The following CSMD2 variants were observed in gnomAD, a reference collection of about 807,000 sequenced individuals.
CSMD2 encodes CUB and Sushi multiple domains 2, also known as CUB and sushi domain-containing protein 2.
CSMD2 carries 130 observed loss-of-function variants against 398.5 expected under a neutral mutation model. The observed-to-expected ratio is 0.33, with a 90% CI of 0.28 to 0.38. The LOEUF is 0.38. Ranked by LOEUF, CSMD2 falls within the 10% of genes least tolerant of loss-of-function variation. CSMD2 has a pLI of 1.00. For synonymous variants in CSMD2, 1,828 were observed against 1,908.5 expected (o/e 0.96, Z 1.10); for missense variants, 3,829 against 4,764.9 (o/e 0.80, Z 5.78).
At chr1:33,861,417 A>G (rs1238804886) in intron 5 of CSMD2, 2 of 152,302 alleles carry the variant, frequency 1.3e-5, no homozygotes, top group East Asian at 1.9e-4. Context: ...CACCAAGCCT[A>G]TCATATTTAC....
chr1:33,661,786 T>A (rs1644143332), intron 26 of CSMD2, among the ~76,000 whole-genome samples: 2 of 152,212 alleles, frequency 1.3e-5, no homozygotes, highest in African/African-American at 4.8e-5. Flanking sequence ...AGAAGCAGGA[T>A]TTGCAACTCT....
chr1:33,893,877 T>A (rs1387323658), intron 5 of CSMD2, among the ~76,000 whole-genome samples: 1 of 152,194 alleles, frequency 6.6e-6, no homozygotes, highest in Admixed American at 6.5e-5. Context: ...CAGGCAGCCA[T>A]GCCTTTTTCC....
In CSMD2 at chr1:33,724,262, C is replaced by A. The variant is rs748249909; in HGVS notation, c.2936G>T (p.Gly979Val). ...GTTGTTGGGGTAGAAGTCAGGGAAC[C>A]CTGGCGACAAGATGGTCCCACTGGA... Reference protein sequence around the residue: ...QGSSGTILSPGFPDFYPNNLN... With the variant: ...QGSSGTILSPVFPDFYPNNLN... Residue 979 changes from glycine (G) to valine (V), a missense_variant, in exon 19 of 71, where the codon GGG becomes GTG. This residue lies in a region of CSMD2 where 2,001 missense variants were observed against 2,567.1 expected (regional missense o/e 0.78). Coordinates refer to ENST00000373381, the MANE Select transcript of CSMD2 (RefSeq NM_001281956.2). 6.2e-7 allele frequency: 1 copy of A among 1,613,976 alleles called. No individual in the cohort carries two copies. Among genetic ancestry groups the A allele is most frequent in the Admixed American group, 1.7e-5 (1 of 60,004 alleles).
chr1:33,889,968 T>C (rs1177892809), intron 5 of CSMD2, among the ~76,000 whole-genome samples: 1 of 151,974 alleles, frequency 6.6e-6, no homozygotes, highest in Non-Finnish European at 1.5e-5. Flanking sequence ...AAAAAGTGGG[T>C]ATATACTTAA....
At chr1:33,701,564 C>T (rs1414557429) in intron 22 of CSMD2, among the ~76,000 whole-genome samples, 2 of 152,224 alleles carry the variant, frequency 1.3e-5, no homozygotes, top group Admixed American at 1.3e-4. Flanking sequence ...ATGCCAGCTG[C>T]CAGCAAATTG....
chr1:33,909,365 C>T (rs1224281763), intron 5 of CSMD2, among the ~76,000 whole-genome samples: 1 of 152,212 alleles, frequency 6.6e-6, no homozygotes, highest in East Asian at 1.9e-4. Context: ...CTACCCTCCT[C>T]AGAGAGGTCA....
chr1:33,923,628 A>G (rs1644024398), intron 4 of CSMD2, among the ~76,000 whole-genome samples: 1 of 152,184 alleles, frequency 6.6e-6, no homozygotes, highest in Non-Finnish European at 1.5e-5. Context: ...TATCACTTTT[A>G]TGTGTTGGGA....
intron 12 of CSMD2, among the ~76,000 whole-genome samples, chr1:33,773,337 C>T (rs1389200765): frequency 6.6e-6 from 1 of 152,232 alleles, no homozygotes; most frequent in Non-Finnish European, 1.5e-5. Context: ...GTGGAAGAAC[C>T]TTCATGGAGA....
intron 7 of CSMD2, 60 bp downstream of exon 7, chr1:33,825,637 G>T: frequency 7.0e-7 from 1 of 1,425,316 alleles, no homozygotes; most frequent in Non-Finnish European, 9.9e-7. Flanking sequence ...ACGGTTTAGT[G>T]CCTGCACGTG....
At chr1:33,540,437 T>C in intron 60 of CSMD2, 88 bp downstream of exon 60, 1 of 1,425,364 alleles carries the variant, frequency 7.0e-7, no homozygotes, top group East Asian at 2.3e-5. Flanking sequence ...GACTACCTAT[T>C]CTGGGCCTTC....
rs1570455574 is a variant in CSMD2, at chr1:33,904,676, G to GT, written c.920+13417dup. On this transcript the variant is annotated intron_variant, in intron 5 of 70. Coordinates refer to ENST00000373381, the MANE Select transcript of CSMD2 (RefSeq NM_001281956.2). ...TTTTTTGTTTGTTTTGTTTTGTTTT[G>GT]TTTTTTGAGATGGAGTCTTGCTCTG... Among the ~76,000 whole-genome samples the GT allele has an allele frequency of 4.6e-5, 7 of 152,164 alleles. No homozygotes were observed. The East Asian group carries it at 1.4e-3, about 29-fold the overall frequency.
At chr1:33,950,383 C>CACAGAGAGAGAGAGAGAGAG (rs1644966404) in intron 3 of CSMD2, among the ~76,000 whole-genome samples, 2 of 133,818 alleles carry the variant, frequency 1.5e-5, no homozygotes, top group African/African-American at 5.9e-5. Context: ...TCTCCTCCAG[C>CACAGAGAGAGAGAGAGAGAG]AGAGAGAGAG....
chr1:34,066,673 G>A (rs1364182870), intron 2 of CSMD2, among the ~76,000 whole-genome samples: 1 of 152,142 alleles, frequency 6.6e-6, no homozygotes, highest in Non-Finnish European at 1.5e-5. Flanking sequence ...AGCCTAGGGA[G>A]GCAGGGGTCT....
chr1:33,581,298 G>A lies in CSMD2; in HGVS notation c.7241-399C>T, dbSNP rs149543780. ...GCATTTTGGGAAGGTGAGGCAGGTGGATCACTTGAGCCCAGGAGTTTGAGA... is the reference window on the plus strand; with the variant it reads ...GCATTTTGGGAAGGTGAGGCAGGTGAATCACTTGAGCCCAGGAGTTTGAGA... On this transcript the variant is annotated intron_variant, in intron 47 of 70. Transcript: ENST00000373381. Among the ~76,000 whole-genome samples the A allele has an allele frequency of 3.4e-3, 499 of 146,150 alleles. 3 individuals carry two copies. The highest frequency in any genetic ancestry group is 0.012 in the African/African-American group (477 of 39,864).
At chr1:34,105,024 G>C (rs1660389851) in intron 1 of CSMD2, among the ~76,000 whole-genome samples, 2 of 152,284 alleles carry the variant, frequency 1.3e-5, no homozygotes, top group South Asian at 2.1e-4. Context: ...GCCTCCTCTA[G>C]TCTGCAGGCA....
upstream of CSMD2, chr1:34,165,266 T>G: frequency 1.7e-6 from 2 of 1,177,614 alleles, no homozygotes; most frequent in Non-Finnish European, 2.1e-6. Context: ...AGAGGCGCGC[T>G]GCGCTCTCGG....
chr1:34,082,245 A>C (rs1571045991), intron 2 of CSMD2, among the ~76,000 whole-genome samples: 1 of 119,262 alleles, frequency 8.4e-6, no homozygotes. Flanking sequence ...CCCGGCCGCG[A>C]CCCCGTCTGG....
intron 52 of CSMD2, 128 bp from the exon 53 acceptor site, chr1:33,567,969 G>T: frequency 1.8e-6 from 2 of 1,137,844 alleles, no homozygotes; most frequent in East Asian, 2.6e-5. Context: ...TAGTGTTGAG[G>T]ACTTGGCACC....
At chr1:33,813,635 T>C (rs972604563) in intron 9 of CSMD2, among the ~76,000 whole-genome samples, 1 of 152,098 alleles carries the variant, frequency 6.6e-6, no homozygotes, top group African/African-American at 2.4e-5. Context: ...GGGAACAGTA[T>C]CCCAGGGGAC....
Sources: allele counts gnomAD v4.1 joint callset (sites outside exome capture counted in the v4.1 genomes callset), GRCh38; gene constraint gnomAD v4.1.1; regional missense constraint gnomAD v4.1.1; transcripts MANE v1.5; gene names NCBI Gene and HGNC (gene_info 2026-07-23, HGNC 2026-07-21).